The following PRRC2C variants were observed in gnomAD, a reference collection of about 807,000 sequenced individuals.
PRRC2C encodes protein PRRC2C.
In PRRC2C, 72 loss-of-function variants were observed where a neutral mutation model predicts 317.2. That is an observed-to-expected ratio of 0.23 (90% CI 0.19 to 0.28). PRRC2C has a LOEUF of 0.28. Among genes scored for constraint, PRRC2C ranks in the 10% least tolerant of loss-of-function variants. The pLI is 1.00. For missense variants in PRRC2C, 3,074 were observed against 3,459.7 expected (o/e 0.89, Z 2.80); for synonymous variants, 1,296 against 1,205.9 (o/e 1.07, Z -1.55).
chr1:171,538,057 C>T (rs543886361), intron 15 of PRRC2C, among the ~76,000 whole-genome samples: 8 of 152,076 alleles, frequency 5.3e-5, no homozygotes, highest in Non-Finnish European at 1.0e-4. Flanking sequence ...CCCGCCACCA[C>T]GCCCAGCTAA....
At chr1:171,575,721 G>A (rs1047493361) in intron 25 of PRRC2C, among the ~76,000 whole-genome samples, 1 of 151,878 alleles carries the variant, frequency 6.6e-6, no homozygotes, top group Non-Finnish European at 1.5e-5. Flanking sequence ...GAGGCCTTAC[G>A]GTTCTTAAAG....
In PRRC2C at chr1:171,497,026, A is replaced by T. The variant is rs572116439; in HGVS notation, c.-58+11291A>T. Among the ~76,000 whole-genome samples the T allele has an allele frequency of 2.0e-5, 3 of 152,232 alleles. No homozygotes were observed. In the East Asian group the frequency reaches 5.8e-4, roughly 29 times the overall value. On this transcript the variant is annotated intron_variant, in intron 1 of 34. Transcript: ENST00000647382. ...GGCTGGTCTCAAACTCCATTGCTCA[A>T]GCTATCCTCCCACCTCTGCCTCCCA... is the stretch of plus-strand genomic sequence containing the variant.
intron 1 of PRRC2C, among the ~76,000 whole-genome samples, chr1:171,508,723 G>C (rs758796464): frequency 7.2e-5 from 11 of 152,092 alleles, no homozygotes; most frequent in Non-Finnish European, 1.6e-4. Context: ...TGTAACGTTG[G>C]ACATTTTAAT....
At chr1:171,549,682 C>T (rs1679821244) in intron 17 of PRRC2C, among the ~76,000 whole-genome samples, 1 of 152,130 alleles carries the variant, frequency 6.6e-6, no homozygotes, top group Non-Finnish European at 1.5e-5. Context: ...GTGCTTCAGC[C>T]TCCTGAGTAT....
In PRRC2C at chr1:171,591,946, CATT is replaced by C. The variant is rs1487862861; in HGVS notation, c.*102_*104del. ...GCCAAAGGGGCAAAATGGCCTGTGA[CATT>C]ATCCTGTTCAGAGCTTGGAGATGTA... is the stretch of plus-strand genomic sequence containing the variant. On this transcript the variant is annotated 3_prime_UTR_variant, in exon 35 of 35. Transcript: ENST00000647382. 4 of 1,433,666 alleles carry C rather than the reference CATT, an allele frequency of 2.8e-6. No individual in the cohort carries two copies. Among genetic ancestry groups the C allele is most frequent in the East Asian group, 2.3e-5 (1 of 43,720 alleles). The allele number at this position is 1,433,666 out of a possible 1,614,324, so 88.8% of individuals were successfully genotyped here.
rs1342477673 is a variant in PRRC2C, at chr1:171,513,175, G to A, written c.290+3G>A. ...CAAGAGCAACATGAAGAAGAAAAGT[G>A]AGTCAAAGTCTGTTAAAGAATGAAG... On this transcript the variant is annotated splice_donor_region_variant and intron_variant, in intron 3 of 34. Transcript: ENST00000647382. 3 of 1,607,386 alleles carry A rather than the reference G, an allele frequency of 1.9e-6. No individual in the cohort carries two copies. The highest frequency in any genetic ancestry group is 2.5e-6 in the Non-Finnish European group (3 of 1,177,032).
At chr1:171,506,309 A>T (rs912480930) in intron 1 of PRRC2C, among the ~76,000 whole-genome samples, 3 of 152,042 alleles carry the variant, frequency 2.0e-5, no homozygotes, top group African/African-American at 7.3e-5. Flanking sequence ...TCCCATGAGG[A>T]TTCTGCTGTT....
At position 171,588,439 on chromosome 1, in the gene PRRC2C, G is replaced by T. The variant is rs1650555186; in HGVS notation, c.8133G>T (p.Lys2711Asn). 1.2e-6 allele frequency: 2 copies of T among 1,613,686 alleles called. No individual in the cohort carries two copies. The highest frequency in any genetic ancestry group is 2.7e-5 in the African/African-American group (2 of 75,032). Reference protein sequence around the residue: ...SSKMNSIVYQKQFQSAPATVR... With the variant: ...SSKMNSIVYQNQFQSAPATVR... Reference sequence around the variant, plus strand: ...AAATGAACAGCATTGTCTACCAGAAGCAGTTCCAGTCAGCCCCTGCCACTG... The same window carrying T: ...AAATGAACAGCATTGTCTACCAGAATCAGTTCCAGTCAGCCCCTGCCACTG... The change falls in exon 33 of 35, where the codon AAG becomes AAT. Residue 2711 changes from lysine (K) to asparagine (N), a missense_variant. Lys to Asn is a moderately conservative substitution (Grantham distance 94). Around this residue, in one of 11 missense-constraint regions of PRRC2C, gnomAD observed 490 missense variants for 663.1 expected, o/e 0.74. Transcript: ENST00000647382.
chr1:171,588,573 A>T (rs1572170875), intron 33 of PRRC2C, 68 bp downstream of exon 33: 1 of 1,495,998 alleles, frequency 6.7e-7, no homozygotes, highest in East Asian at 2.4e-5. Context: ...ATAAATTATT[A>T]TCTTGCCTTA....
intron 1 of PRRC2C, among the ~76,000 whole-genome samples, chr1:171,508,307 G>T (rs1430830923): frequency 6.6e-6 from 1 of 152,096 alleles, no homozygotes; most frequent in Non-Finnish European, 1.5e-5. Context: ...TTATGTTGAG[G>T]AATTTTCCTC....
intron 33 of PRRC2C, 51 bp from the exon 34 acceptor site, chr1:171,589,318 T>C: frequency 1.4e-6 from 1 of 707,156 alleles, no homozygotes; most frequent in Non-Finnish European, 2.0e-6. Context: ...GTTTTTTTTT[T>C]TTTTTTTTTT....
intron 33 of PRRC2C, among the ~76,000 whole-genome samples, chr1:171,588,918 C>T (rs1650705460): frequency 6.6e-6 from 1 of 152,196 alleles, no homozygotes; most frequent in South Asian, 2.1e-4. Flanking sequence ...AAAATGTTGG[C>T]TTCTCTTCCC....
chr1:171,542,079 G>C lies in PRRC2C; in HGVS notation c.4613G>C (p.Arg1538Thr), dbSNP rs781265114. Residue 1538 changes from arginine to threonine, a missense_variant, in exon 16 of 35, where the codon AGG becomes ACG. Coordinates refer to ENST00000647382, the MANE Select transcript of PRRC2C (RefSeq NM_001387844.1). ...GGAGAGAATGTTCTACCTCCAAAGA[G>C]GGAAATTGCAAAGAGAAGTTTTTCT... ...KVGENVLPPK[R>T]EIAKRSFSSQ... 5.6e-6 allele frequency: 9 copies of C among 1,613,810 alleles called. No homozygotes were observed. In the East Asian group the frequency reaches 1.3e-4, roughly 24 times the overall value.
At chr1:171,558,840 C>G (rs1030409221) in intron 19 of PRRC2C, among the ~76,000 whole-genome samples, 1 of 152,146 alleles carries the variant, frequency 6.6e-6, no homozygotes. Flanking sequence ...AAGCTGGGAA[C>G]GACTAAGCTT....
Position 171,588,524 on chromosome 1 carries a change from G to T in PRRC2C, c.8199+19G>T. On this transcript the variant is annotated intron_variant, in intron 33 of 34. Coordinates refer to ENST00000647382, the MANE Select transcript of PRRC2C (RefSeq NM_001387844.1). Reference sequence around the variant, plus strand: ...ACCCCAGGTGGGCAGACATAATTAAGAAATGAGTATTATTTACTTAAAAAT... The same window carrying T: ...ACCCCAGGTGGGCAGACATAATTAATAAATGAGTATTATTTACTTAAAAAT... 6.2e-7 allele frequency: 1 copy of T among 1,608,846 alleles called. No individual in the cohort carries two copies. Among genetic ancestry groups the T allele is most frequent in the South Asian group, 1.1e-5 (1 of 90,802 alleles).
At chr1:171,549,361 A>T (rs1679754411) in intron 17 of PRRC2C, among the ~76,000 whole-genome samples, 1 of 152,160 alleles carries the variant, frequency 6.6e-6, no homozygotes, top group African/African-American at 2.4e-5. Flanking sequence ...TTTGAAAAGG[A>T]GAAATAATAG....
At position 171,589,513 on chromosome 1, in the gene PRRC2C, T is replaced by G. The variant is rs1297429922; in HGVS notation, c.8344T>G (p.Leu2782Val). 2 of 1,289,734 alleles carry G rather than the reference T, an allele frequency of 1.6e-6. No individual in the cohort carries two copies. The highest frequency in any genetic ancestry group is 2.0e-6 in the Non-Finnish European group (2 of 988,874). 79.9% of individuals were successfully genotyped at this position (1,289,734 alleles called of 1,614,324 possible). ...CACAGGCCTCATGAGCCATGCTCGT[T>G]TGCCACATGTAGCCAGGGGTCCTTG... The part of the protein sequence containing the change: ...LTTGLMSHAR[L>V]PHVARGPCGS... The change falls in exon 34 of 35, where the codon TTG becomes GTG. Residue 2782 changes from leucine (L) to valine (V), a missense_variant. Leu to Val is a conservative substitution (Grantham distance 32, BLOSUM62 1). Around this residue, in one of 11 missense-constraint regions of PRRC2C, gnomAD observed 490 missense variants for 663.1 expected, o/e 0.74. Transcript: ENST00000647382.
At chr1:171,491,570 A>G (rs1017070534) in intron 1 of PRRC2C, among the ~76,000 whole-genome samples, 1 of 152,246 alleles carries the variant, frequency 6.6e-6, no homozygotes, top group Non-Finnish European at 1.5e-5. Flanking sequence ...TTAAGGATAC[A>G]TTTAGAACAA....
chr1:171,527,945 TACTA>T (rs1461644589), intron 11 of PRRC2C, 101 bp downstream of exon 11: 3 of 937,552 alleles, frequency 3.2e-6, no homozygotes, highest in Admixed American at 2.2e-5. Flanking sequence ...ATGAAACAGT[TACTA>T]ACTTTTTACC....
Sources: allele counts gnomAD v4.1 joint callset (sites outside exome capture counted in the v4.1 genomes callset), GRCh38; gene constraint gnomAD v4.1.1; regional missense constraint gnomAD v4.1.1; transcripts MANE v1.5; gene names NCBI Gene and HGNC (gene_info 2026-07-23, HGNC 2026-07-21).